The following IL1RAPL1 variants were observed in gnomAD, a reference collection of about 807,000 sequenced individuals.
IL1RAPL1 encodes the protein interleukin 1 receptor accessory protein like 1.
IL1RAPL1 carries 3 observed loss-of-function variants against 48.4 expected under a neutral mutation model. The ratio of observed to expected loss-of-function variants is 0.06; its 90% CI spans 0.03 to 0.16. IL1RAPL1 has a LOEUF of 0.16. IL1RAPL1 is among the 10% of genes least tolerant of loss of function. The pLI is 1.00. For missense variants in IL1RAPL1, 349 were observed against 530.6 expected (o/e 0.66, Z 3.36); for synonymous variants, 185 against 187.7 (o/e 0.99, Z 0.12).
In IL1RAPL1 at chrX:29,383,262, C is replaced by T. The variant is rs369648913; in HGVS notation, c.363-12996C>T. Among the ~76,000 whole-genome samples the T allele has an allele frequency of 5.2e-4, 58 of 112,027 alleles. No homozygotes were observed. In the South Asian group the frequency reaches 0.021, roughly 41 times the overall value. On this transcript the variant is annotated intron_variant, in intron 3 of 10. Transcript: ENST00000378993. ...CAATAACTCTATGAGATTAAGTATC[C>T]TTAGAATTTGATGATCTGGTGCTGA...
chrX:28,987,531 C>T (rs1250632029), intron 2 of IL1RAPL1, among the ~76,000 whole-genome samples: 1 of 111,748 alleles, frequency 8.9e-6, no homozygotes, highest in Non-Finnish European at 1.9e-5. Flanking sequence ...CATACACACA[C>T]ACACTTGCAT....
chrX:29,487,542 TG>T (rs980122400), intron 5 of IL1RAPL1, among the ~76,000 whole-genome samples: 17 of 112,156 alleles, frequency 1.5e-4, no homozygotes, highest in African/African-American at 5.5e-4. Flanking sequence ...AGAAATGCAC[TG>T]GTCAATATGA....
At chrX:29,381,525 A>AAAAAAAAAAAAAAAAC (rs1569298983) in intron 3 of IL1RAPL1, among the ~76,000 whole-genome samples, 3 of 95,912 alleles carry the variant, frequency 3.1e-5, no homozygotes, top group Admixed American at 1.2e-4. Flanking sequence ...AAAAAAAAAA[A>AAAAAAAAAAAAAAAAC]AAAACTTAGC....
chrX:29,022,702 T>C (rs778302851), intron 2 of IL1RAPL1, among the ~76,000 whole-genome samples: 4 of 111,903 alleles, frequency 3.6e-5, no homozygotes, highest in Admixed American at 9.6e-5. Context: ...TGCCTAAAGC[T>C]GCCGTCATTC....
At chrX:28,623,551 A>G (rs1168469609) in intron 1 of IL1RAPL1, among the ~76,000 whole-genome samples, 3 of 111,874 alleles carry the variant, frequency 2.7e-5, no homozygotes, top group Admixed American at 9.5e-5. Flanking sequence ...TTTAAAGTGT[A>G]GCTTTATTAC....
At chrX:29,551,010 C>A (rs921093157) in intron 5 of IL1RAPL1, among the ~76,000 whole-genome samples, 9 of 112,072 alleles carry the variant, frequency 8.0e-5, no homozygotes, top group Non-Finnish European at 1.5e-4. Flanking sequence ...ATTCTATTTT[C>A]TGTCTCTATG....
chrX:29,119,219 A>G (rs1041103944), intron 2 of IL1RAPL1, among the ~76,000 whole-genome samples: 1 of 111,422 alleles, frequency 9.0e-6, no homozygotes, highest in East Asian at 2.8e-4. Flanking sequence ...TTTAAATAAT[A>G]AAAGAACACA....
At chrX:29,768,559 G>T (rs1367740888) in intron 6 of IL1RAPL1, among the ~76,000 whole-genome samples, 1 of 111,922 alleles carries the variant, frequency 8.9e-6, no homozygotes, top group Non-Finnish European at 1.9e-5. Context: ...CAACTGGTGA[G>T]TTTTTAATCA....
At chrX:28,800,045 C>T (rs1166896916) in intron 2 of IL1RAPL1, among the ~76,000 whole-genome samples, 1 of 111,463 alleles carries the variant, frequency 9.0e-6, no homozygotes, top group Non-Finnish European at 1.9e-5. Context: ...TTCTGGAGGC[C>T]AGAAGCCCGA....
At chrX:29,299,839 A>G (rs1266574241) in intron 3 of IL1RAPL1, among the ~76,000 whole-genome samples, 1 of 112,379 alleles carries the variant, frequency 8.9e-6, no homozygotes, top group Non-Finnish European at 1.9e-5. Context: ...ATTTGATCCC[A>G]GAGTTGGAGG....
At chrX:29,893,496 C>T (rs773557649) in intron 6 of IL1RAPL1, among the ~76,000 whole-genome samples, 2 of 110,419 alleles carry the variant, frequency 1.8e-5, no homozygotes, top group Non-Finnish European at 1.9e-5. Context: ...CTGGAGTCAC[C>T]GTGCATCATT....
chrX:29,576,873 A>G (rs1922792891), intron 5 of IL1RAPL1, among the ~76,000 whole-genome samples: 1 of 99,856 alleles, frequency 1.0e-5, no homozygotes. Context: ...ATATTGATTT[A>G]TATTTCATAA....
chrX:28,789,789 T>C (rs763437598), intron 2 of IL1RAPL1, among the ~76,000 whole-genome samples: 4 of 112,172 alleles, frequency 3.6e-5, no homozygotes, highest in Non-Finnish European at 7.5e-5. Flanking sequence ...TGTTACCATT[T>C]TGATGTCAGC....
rs778408472 is a variant in IL1RAPL1 at position 29,464,450 on chromosome X, G to C, written c.703+65142G>C. 8.0e-5 allele frequency among the ~76,000 whole-genome samples: 9 copies of C among 112,140 alleles called. No homozygotes were observed. The South Asian group carries it at 3.3e-3, about 41-fold the overall frequency. On this transcript the variant is annotated intron_variant, in intron 5 of 10. Transcript: ENST00000378993. ...TTTAGTAATAACCATTCTTATACTG[G>C]TAAGCTTCTCAGGATTGGTATATAT...
chrX:29,236,518 TTTTTTCC>T (rs1931298136), intron 2 of IL1RAPL1, among the ~76,000 whole-genome samples: 1 of 95,628 alleles, frequency 1.0e-5, no homozygotes, highest in Non-Finnish European at 2.0e-5. Flanking sequence ...CTCTTTTTTT[TTTTTTCC>T]TTTCTTTTTC....
rs772391049 is a variant in IL1RAPL1 at position 29,340,003 on chromosome X, T to C, written c.363-56255T>C. ...GTCAGTCACCTTCATCCCTATAGCT[T>C]AGCTCATTATCTGTTGCATAGTAGG... On this transcript the variant is annotated intron_variant, in intron 3 of 10. Coordinates refer to ENST00000378993, the MANE Select transcript of IL1RAPL1 (RefSeq NM_014271.4). Among the ~76,000 whole-genome samples the C allele has an allele frequency of 6.2e-5, 7 of 112,054 alleles. No homozygotes were observed. In the East Asian group the frequency reaches 1.4e-3, roughly 22 times the overall value.
At chrX:29,796,161 G>C (rs938946125) in intron 6 of IL1RAPL1, among the ~76,000 whole-genome samples, 5 of 111,905 alleles carry the variant, frequency 4.5e-5, no homozygotes, top group Non-Finnish European at 7.5e-5. Flanking sequence ...ATGTATGAAG[G>C]CTTTAGATAT....
chrX:29,871,542 AG>A (rs1279441659), intron 6 of IL1RAPL1, among the ~76,000 whole-genome samples: 1 of 111,960 alleles, frequency 8.9e-6, no homozygotes, highest in Non-Finnish European at 1.9e-5. Flanking sequence ...CTGACCTGAA[AG>A]TGACAAAGTT....
At chrX:28,762,750 G>C (rs963144890) in intron 1 of IL1RAPL1, among the ~76,000 whole-genome samples, 1 of 105,131 alleles carries the variant, frequency 9.5e-6, no homozygotes, top group Non-Finnish European at 1.9e-5. Context: ...ACTTGAACTA[G>C]ATTGTATATA....
Sources: allele counts gnomAD v4.1 joint callset (sites outside exome capture counted in the v4.1 genomes callset), GRCh38; gene constraint gnomAD v4.1.1; transcripts MANE v1.5; gene names NCBI Gene and HGNC (gene_info 2026-07-23, HGNC 2026-07-21).